Variants in SLC6A2 observed in about 807,000 individuals in gnomAD.
The protein encoded by SLC6A2 is solute carrier family 6 member 2.
Under a neutral mutation model 71.7 loss-of-function variants are expected in SLC6A2, and 26 were observed. The observed-to-expected ratio is 0.36, with a 90% CI of 0.27 to 0.50. The LOEUF (loss-of-function observed/expected upper bound fraction) is 0.50, where lower values mean the gene tolerates loss of function less well. Among genes scored for constraint, SLC6A2 ranks in the 20% least tolerant of loss-of-function variants. SLC6A2 has a pLI of 0.96. For missense variants in SLC6A2, 581 were observed against 803.9 expected (o/e 0.72, Z 3.35); for synonymous variants, 363 against 337.9 (o/e 1.07, Z -0.82).
chr16:55,682,254 C>T (rs772098157), intron 4 of SLC6A2, among the ~76,000 whole-genome samples: 26 of 152,184 alleles, frequency 1.7e-4, no homozygotes, highest in East Asian at 9.7e-4. Flanking sequence ...TCTAGTTGAG[C>T]GCAAATGCCT....
intron 12 of SLC6A2, among the ~76,000 whole-genome samples, chr16:55,699,878 C>T (rs1965916237): frequency 6.6e-6 from 1 of 152,088 alleles, no homozygotes; most frequent in South Asian, 2.1e-4. Context: ...GCTGTTATGC[C>T]TTCTCCAAAG....
At chr16:55,679,362 G>C (rs775746924) in intron 4 of SLC6A2, among the ~76,000 whole-genome samples, 1 of 152,046 alleles carries the variant, frequency 6.6e-6, no homozygotes, top group Non-Finnish European at 1.5e-5. Flanking sequence ...AAGTAGCTGG[G>C]ACTACAGGTG....
chr16:55,685,105 G>T lies in SLC6A2; in HGVS notation c.645-38G>T, dbSNP rs199634010. On this transcript the variant is annotated intron_variant, in intron 4 of 14. Coordinates refer to ENST00000568943, the MANE Select transcript of SLC6A2 (RefSeq NM_001172501.3). The stretch of plus-strand genomic sequence containing the variant: ...CACGGCCTCTGTCGTCCTCCCTGAC[G>T]ACATTTACCCTGGTCCCCTCCCCTC... The T allele has an allele frequency of 1.3e-3, 2,061 of 1,612,336 alleles. 3 individuals carry two copies. Among genetic ancestry groups the T allele is most frequent in the South Asian group, 2.4e-3 (219 of 90,996 alleles).
At chr16:55,670,554 T>C (rs1381686964) in intron 3 of SLC6A2, among the ~76,000 whole-genome samples, 1 of 152,194 alleles carries the variant, frequency 6.6e-6, no homozygotes, top group Non-Finnish European at 1.5e-5. Flanking sequence ...GTCTGGAATC[T>C]ATCGCTCTTC....
At chr16:55,692,341 A>T (rs931203905) in intron 6 of SLC6A2, among the ~76,000 whole-genome samples, 1 of 152,256 alleles carries the variant, frequency 6.6e-6, no homozygotes, top group South Asian at 2.1e-4. Flanking sequence ...AGAGGACATG[A>T]TGTCTTGGGA....
intron 12 of SLC6A2, 46 bp downstream of exon 12, chr16:55,699,700 T>A: frequency 7.4e-7 from 1 of 1,355,534 alleles, no homozygotes; most frequent in Non-Finnish European, 1.1e-6. Context: ...GAGGGGGCTG[T>A]GTCCAGGATG....
At chr16:55,664,338 G>A (rs1358046836) in intron 2 of SLC6A2, among the ~76,000 whole-genome samples, 4 of 152,206 alleles carry the variant, frequency 2.6e-5, no homozygotes, top group African/African-American at 9.6e-5. Flanking sequence ...CTGTGGCCTG[G>A]GGGCATCCTT....
At chr16:55,688,534 T>TTTATC (rs1397905347) in intron 5 of SLC6A2, among the ~76,000 whole-genome samples, 14 of 152,252 alleles carry the variant, frequency 9.2e-5, no homozygotes, top group African/African-American at 3.4e-4. Context: ...TTATCATCTC[T>TTTATC]GTTTTCAAGT....
chr16:55,660,831 CTG>C (rs1366843984), intron 2 of SLC6A2, among the ~76,000 whole-genome samples: 1 of 152,226 alleles, frequency 6.6e-6, no homozygotes. Flanking sequence ...AGTATTAACA[CTG>C]TAACCTCTGC....
chr16:55,660,188 A>G (rs1445796970), intron 2 of SLC6A2, among the ~76,000 whole-genome samples: 4 of 152,154 alleles, frequency 2.6e-5, no homozygotes, highest in Non-Finnish European at 4.4e-5. Context: ...CACCTGGGGC[A>G]GGAATGTACA....
At chr16:55,669,830 AGT>A (rs1964855031) in intron 3 of SLC6A2, 134 bp downstream of exon 3, 1 of 951,370 alleles carries the variant, frequency 1.1e-6, no homozygotes, top group East Asian at 2.6e-5. Flanking sequence ...CAAGGTCAAC[AGT>A]GTCCCCCATT....
chr16:55,686,122 C>T (rs36016), intron 5 of SLC6A2, among the ~76,000 whole-genome samples: 66,252 of 152,002 alleles, frequency 0.44, 14,546 homozygotes, highest in East Asian at 0.51. Flanking sequence ...AACAACCATT[C>T]TATTGTCTCT....
At chr16:55,657,953 A>C (rs1445721255) in intron 2 of SLC6A2, among the ~76,000 whole-genome samples, 10 of 151,938 alleles carry the variant, frequency 6.6e-5, no homozygotes, top group Non-Finnish European at 1.3e-4. Flanking sequence ...GGTACCCTGC[A>C]AAGAGTGTGG....
At chr16:55,696,417 A>C in intron 9 of SLC6A2, 80 bp downstream of exon 9, 1 of 853,768 alleles carries the variant, frequency 1.2e-6, no homozygotes, top group Non-Finnish European at 2.0e-6. Context: ...GCTGGGCCTG[A>C]AGTTCCCACT....
chr16:55,682,958 G>T (rs531313928), intron 4 of SLC6A2, among the ~76,000 whole-genome samples: 90 of 152,286 alleles, frequency 5.9e-4, no homozygotes, highest in Non-Finnish European at 1.1e-3. Flanking sequence ...GAGTCAGGAC[G>T]GTGCACGAGC....
At chr16:55,698,836 G>C (rs1965881617) in intron 11 of SLC6A2, among the ~76,000 whole-genome samples, 1 of 152,180 alleles carries the variant, frequency 6.6e-6, no homozygotes, top group Admixed American at 6.5e-5. Context: ...CATCCTACCA[G>C]GGGGTTGTCA....
In SLC6A2 at chr16:55,691,209, A is replaced by G. The variant is rs1178151677; in HGVS notation, c.784-709A>G. Among the ~76,000 whole-genome samples, 356 of 125,954 alleles carry G rather than the reference A, an allele frequency of 2.8e-3. 3 individuals carry two copies. The highest frequency in any genetic ancestry group is 0.01 in the African/African-American group (331 of 31,800). 82.6% of individuals were successfully genotyped at this position (125,954 alleles called of 152,430 possible). On this transcript the variant is annotated intron_variant, in intron 5 of 14. Coordinates refer to ENST00000568943, the MANE Select transcript of SLC6A2 (RefSeq NM_001172501.3). ...AGGGAGGATGGGAAGAGAGAAAAAGAGAGGGGGGGAGGGGAGAGGGGGAGA... is the reference window on the plus strand; with the variant it reads ...AGGGAGGATGGGAAGAGAGAAAAAGGGAGGGGGGGAGGGGAGAGGGGGAGA...
intron 6 of SLC6A2, among the ~76,000 whole-genome samples, chr16:55,693,693 C>G (rs1410829866): frequency 6.6e-6 from 1 of 152,248 alleles, no homozygotes; most frequent in African/African-American, 2.4e-5. Flanking sequence ...TTGCCCCATT[C>G]ACACTCTAGC....
rs1012729420 is a variant in SLC6A2, at chr16:55,686,598, G to A, written c.783+1317G>A. Among the ~76,000 whole-genome samples, 4 of 152,242 alleles carry A rather than the reference G, an allele frequency of 2.6e-5. No homozygotes were observed. In the Middle Eastern group the frequency reaches 0.01, roughly 388 times the overall value. On this transcript the variant is annotated intron_variant, in intron 5 of 14. Transcript: ENST00000568943. ...GAATCCTCATTAGGCAACTGATTTTGGAAAGGGGGGGTGCACCAGAGTTCT... is the reference window on the plus strand; with the variant it reads ...GAATCCTCATTAGGCAACTGATTTTAGAAAGGGGGGGTGCACCAGAGTTCT...
Sources: allele counts gnomAD v4.1 joint callset (sites outside exome capture counted in the v4.1 genomes callset), GRCh38; gene constraint gnomAD v4.1.1; transcripts MANE v1.5; gene names NCBI Gene and HGNC (gene_info 2026-07-23, HGNC 2026-07-21).